SNTG1: variants seen among roughly 807,000 people sequenced by gnomAD.
SNTG1 encodes gamma-1-syntrophin.
In SNTG1, 39 loss-of-function variants were observed where a neutral mutation model predicts 74.7. The ratio of observed to expected loss-of-function variants is 0.52; its 90% confidence interval spans 0.40 to 0.68. SNTG1 has a LOEUF of 0.68. SNTG1 is among the 30% of genes least tolerant of loss of function. The pLI is 0.00. For missense variants in SNTG1, 685 were observed against 609.5 expected, an observed-to-expected ratio of 1.12 and a Z score of -1.30; for synonymous variants, 254 against 217.1, an observed-to-expected ratio of 1.17 and a Z score of -1.49.
intron 1 of SNTG1, among the ~76,000 whole-genome samples, chr8:49,984,405 A>C (rs1211580399): frequency 2.0e-5 from 3 of 151,972 alleles, no homozygotes; most frequent in African/African-American, 7.3e-5. Flanking sequence ...GGGTTTCACC[A>C]TGTTGCCCAG....
intron 9 of SNTG1, among the ~76,000 whole-genome samples, chr8:50,504,014 A>AGAAC (rs1298191000): frequency 1.3e-5 from 2 of 152,100 alleles, no homozygotes; most frequent in African/African-American, 4.8e-5. Flanking sequence ...CTGAAAGGCC[A>AGAAC]CAGTGTGTGT....
At position 50,454,255 on chromosome 8, in the gene SNTG1, G is replaced by C. The variant is rs182454203; in HGVS notation, c.363+3526G>C. ...CTCATGCCTGTAATCCCAGCACTTT[G>C]GGAGGCCGAGGTGGGCAGATCACGA... On this transcript the variant is annotated intron_variant, in intron 8 of 18. Coordinates refer to ENST00000642720, the MANE Select transcript of SNTG1 (RefSeq NM_018967.5). 1.9e-3 allele frequency among the ~76,000 whole-genome samples: 290 copies of C among 152,194 alleles called. 1 individual carries two copies. Among genetic ancestry groups the C allele is most frequent in the African/African-American group, 6.9e-3 (285 of 41,516 alleles).
intron 1 of SNTG1, among the ~76,000 whole-genome samples, chr8:50,148,310 C>A (rs1363924837): frequency 2.0e-5 from 3 of 152,074 alleles, no homozygotes; most frequent in Admixed American, 6.6e-5. Flanking sequence ...AGAAGTGGAG[C>A]TTAATATCAC....
chr8:50,497,163 A>G (rs2093912106), intron 8 of SNTG1, among the ~76,000 whole-genome samples: 2 of 151,916 alleles, frequency 1.3e-5, no homozygotes, highest in South Asian at 4.1e-4. Context: ...ACGTTCTTAT[A>G]TTTTTCACTT....
intron 1 of SNTG1, among the ~76,000 whole-genome samples, chr8:49,988,259 A>T (rs193251190): frequency 1.8e-3 from 274 of 152,296 alleles, no homozygotes; most frequent in Non-Finnish European, 3.1e-3. Flanking sequence ...CAACAAAAAA[A>T]TTAGGACACA....
At chr8:50,447,095 A>G (rs971052062) in intron 5 of SNTG1, among the ~76,000 whole-genome samples, 1 of 152,214 alleles carries the variant, frequency 6.6e-6, no homozygotes, top group East Asian at 1.9e-4. Context: ...ACAGAAAGTG[A>G]AACACAAATA....
At chr8:50,025,134 G>A (rs1404463479) in intron 1 of SNTG1, among the ~76,000 whole-genome samples, 3 of 151,926 alleles carry the variant, frequency 2.0e-5, no homozygotes, top group Non-Finnish European at 4.4e-5. Context: ...CAAACACCCT[G>A]AAAGATATAC....
chr8:49,931,367 T>G (rs380279), intron 1 of SNTG1, among the ~76,000 whole-genome samples: 133,487 of 152,198 alleles, frequency 0.88, 58,795 homozygotes, highest in East Asian at 1. Context: ...TAGCAGCATA[T>G]TTCATAAACA....
rs185995825 is a variant in SNTG1, at chr8:50,781,283, T to A, written c.1396-11388T>A. Among the ~76,000 whole-genome samples, 559 of 152,306 alleles carry A rather than the reference T, an allele frequency of 3.7e-3. 4 individuals are homozygous for A. Among genetic ancestry groups the A allele is most frequent in the African/African-American group, 0.012 (518 of 41,560 alleles). ...TTGTTAACTTTCTGTCTCATTGATC[T>A]GTCTAATGTTGACAGTGGGGTGTTA... On this transcript the variant is annotated intron_variant, in intron 18 of 18. Coordinates refer to ENST00000642720, the MANE Select transcript of SNTG1 (RefSeq NM_018967.5).
At chr8:50,160,465 G>A (rs976461562) in intron 1 of SNTG1, among the ~76,000 whole-genome samples, 5 of 152,114 alleles carry the variant, frequency 3.3e-5, no homozygotes, top group Non-Finnish European at 5.9e-5. Flanking sequence ...CATATGGATT[G>A]CTTAAGATTA....
chr8:50,053,492 G>T (rs927175458), intron 1 of SNTG1, among the ~76,000 whole-genome samples: 1 of 151,950 alleles, frequency 6.6e-6, no homozygotes, highest in South Asian at 2.1e-4. Flanking sequence ...AAAGTAGACA[G>T]TAGTGATGAT....
At chr8:50,621,065 T>G (rs1181913145) in intron 13 of SNTG1, among the ~76,000 whole-genome samples, 5 of 5,826 alleles carry the variant, frequency 8.6e-4, no homozygotes, top group Non-Finnish European at 1.2e-3. Context: ...AGAGATAACT[T>G]TTTTTTTTTT....
chr8:50,557,309 G>A (rs2094462010), intron 12 of SNTG1, among the ~76,000 whole-genome samples: 1 of 151,730 alleles, frequency 6.6e-6, no homozygotes, highest in Non-Finnish European at 1.5e-5. Flanking sequence ...TAAATATTTA[G>A]TTAAAGTCAC....
Position 50,237,270 on chromosome 8 carries a change from T to C in SNTG1, c.-28+64635T>C, listed in dbSNP as rs1399531833. Among the ~76,000 whole-genome samples the C allele has an allele frequency of 2.0e-5, 3 of 152,176 alleles. No individual in the cohort carries two copies. In the East Asian group the frequency reaches 5.8e-4, roughly 29 times the overall value. The stretch of plus-strand genomic sequence containing the variant: ...ACATGATGCTCTACTCTCTACTGTC[T>C]ATATATTTCCTGCTTATTTGTAATT... On this transcript the variant is annotated intron_variant, in intron 2 of 18. Coordinates refer to ENST00000642720, the MANE Select transcript of SNTG1 (RefSeq NM_018967.5).
intron 8 of SNTG1, among the ~76,000 whole-genome samples, chr8:50,481,516 T>C (rs1292858749): frequency 6.6e-6 from 1 of 152,246 alleles, no homozygotes; most frequent in East Asian, 1.9e-4. Flanking sequence ...ATTCAAGGAA[T>C]GTGAAGATTT....
At chr8:50,590,542 T>C (rs1282356917) in intron 12 of SNTG1, among the ~76,000 whole-genome samples, 1 of 152,062 alleles carries the variant, frequency 6.6e-6, no homozygotes, top group East Asian at 1.9e-4. Flanking sequence ...AATTTCAAAG[T>C]GCAAAAAATA....
At chr8:50,692,078 A>G (rs975982339) in intron 15 of SNTG1, among the ~76,000 whole-genome samples, 2 of 152,112 alleles carry the variant, frequency 1.3e-5, no homozygotes, top group Non-Finnish European at 2.9e-5. Flanking sequence ...CGTAGCTCTC[A>G]TGCCTTGGTT....
At chr8:50,408,244 TATC>T (rs1215257220) in intron 4 of SNTG1, among the ~76,000 whole-genome samples, 1 of 146,354 alleles carries the variant, frequency 6.8e-6, no homozygotes, top group Non-Finnish European at 1.5e-5. Flanking sequence ...AAGCGACTAT[TATC>T]ATCCTTGCTT....
chr8:50,771,484 A>C (rs1371255446), intron 18 of SNTG1, among the ~76,000 whole-genome samples: 1 of 152,150 alleles, frequency 6.6e-6, no homozygotes, highest in Non-Finnish European at 1.5e-5. Flanking sequence ...TTAAGAGCAA[A>C]GACATGACCT....
Sources: gnomAD v4.1 joint callset for allele counts (sites outside exome capture counted in the v4.1 genomes callset) on GRCh38, gnomAD v4.1.1 for gene constraint, MANE v1.5 for transcripts, NCBI Gene and HGNC (gene_info 2026-07-23, HGNC 2026-07-21) for gene names.